Variants in PRKN observed in about 807,000 individuals in gnomAD.
The protein encoded by PRKN is E3 ubiquitin-protein ligase parkin.
In PRKN, 56 loss-of-function variants were observed where a neutral mutation model predicts 59.5. The ratio of observed to expected loss-of-function variants is 0.94; its 90% CI spans 0.76 to 1.18. PRKN has a LOEUF of 1.18. Among genes scored for constraint, PRKN ranks in the 50% most tolerant of loss-of-function variants. PRKN has a pLI of 0.00. For synonymous variants in PRKN, 250 were observed against 222.1 expected, an observed-to-expected ratio of 1.13 and a Z score of -1.12; for missense variants, 657 against 596.4, an observed-to-expected ratio of 1.10 and a Z score of -1.06.
In PRKN at chr6:162,010,428, AAT is replaced by A. The variant is rs1248136761; in HGVS notation, c.619-37013_619-37012del. Among the ~76,000 whole-genome samples, 4 of 21,676 alleles carry A rather than the reference AAT, an allele frequency of 1.8e-4. 1 individual carries two copies. The highest frequency in any genetic ancestry group is 2.8e-4 in the Non-Finnish European group (4 of 14,170). The allele number at this position is 21,676 out of a possible 152,430, so 14.2% of individuals were successfully genotyped here. A position where few individuals can be genotyped will look rare whatever the true frequency, so the allele number is the denominator to read the frequency against. ...TTTATTATATGTAATATACATTTAT[AAT>A]ATGTAATATTTATGATATATAATGT... On this transcript the variant is annotated intron_variant, in intron 5 of 11. Transcript: ENST00000366898.
At chr6:162,534,636 C>A (rs923185472) in intron 1 of PRKN, among the ~76,000 whole-genome samples, 1 of 152,154 alleles carries the variant, frequency 6.6e-6, no homozygotes, top group Non-Finnish European at 1.5e-5. Flanking sequence ...TCTACACATA[C>A]ATTTATAGAA....
intron 3 of PRKN, among the ~76,000 whole-genome samples, chr6:162,255,199 T>TG (rs1304885332): frequency 3.3e-5 from 5 of 152,134 alleles, no homozygotes; most frequent in Admixed American, 3.3e-4. Context: ...GCACCTGTTC[T>TG]GGGGGCAATT....
chr6:162,547,925 A>G (rs1779181428), intron 1 of PRKN, among the ~76,000 whole-genome samples: 1 of 151,900 alleles, frequency 6.6e-6, no homozygotes, highest in Non-Finnish European at 1.5e-5. Flanking sequence ...AGTTGCCTTG[A>G]ACCTCACATC....
intron 1 of PRKN, among the ~76,000 whole-genome samples, chr6:162,695,977 A>G (rs888769713): frequency 3.3e-5 from 5 of 152,108 alleles, no homozygotes; most frequent in Non-Finnish European, 7.4e-5. Context: ...TGCTTGTACA[A>G]TGGGAACGCA....
Position 161,581,655 on chromosome 6 carries a change from T to C in PRKN, c.872-12239A>G, listed in dbSNP as rs945748205. Reference sequence around the variant, plus strand: ...AGTGAGCAAGAGACAGGAAATAGAATGGAAGAAATGAAGGAAAAATGGAAT... The same window carrying C: ...AGTGAGCAAGAGACAGGAAATAGAACGGAAGAAATGAAGGAAAAATGGAAT... On this transcript the variant is annotated intron_variant, in intron 7 of 11. Coordinates refer to ENST00000366898, the MANE Select transcript of PRKN (RefSeq NM_004562.3). This position sits in a 1 kb window ranked among gnomAD's most constrained non-coding sequence, Gnocchi z 4.5. Among the ~76,000 whole-genome samples, 2 of 152,026 alleles carry C rather than the reference T, an allele frequency of 1.3e-5. No individual in the cohort carries two copies. The highest frequency in any genetic ancestry group is 1.9e-4 in the East Asian group (1 of 5,184).
chr6:162,647,767 C>G (rs1778240552), intron 1 of PRKN, among the ~76,000 whole-genome samples: 1 of 151,964 alleles, frequency 6.6e-6, no homozygotes, highest in Non-Finnish European at 1.5e-5. Context: ...TGAGCTCAGT[C>G]TGATCACAAC....
chr6:162,499,751 G>C (rs1383768910), intron 1 of PRKN, among the ~76,000 whole-genome samples: 1 of 152,168 alleles, frequency 6.6e-6, no homozygotes, highest in Non-Finnish European at 1.5e-5. Context: ...GTCTCTAGCC[G>C]AGAGGAACAG....
In PRKN at chr6:161,973,387, T is replaced by G; in HGVS notation, c.649A>C (p.Thr217Pro). 1 of 1,613,266 alleles carries G rather than the reference T, an allele frequency of 6.2e-7. No homozygotes were observed. Among genetic ancestry groups the G allele is most frequent in the Non-Finnish European group, 8.5e-7 (1 of 1,179,260 alleles). Residue 217 changes from threonine (T) to proline (P), a missense_variant, in exon 6 of 12, where the codon ACC becomes CCC. Thr to Pro is a conservative substitution (Grantham distance 38). Transcript: ENST00000366898. ...GCTACTGATGTTTCCTTGTCAGAGG[T>G]GGGGTGTGCTCCACATTTAAAGAAA... ...EFFFKCGAHP[T>P]SDKETSVALH...
intron 1 of PRKN, among the ~76,000 whole-genome samples, chr6:162,676,872 C>A (rs904660679): frequency 3.3e-5 from 5 of 151,936 alleles, no homozygotes; most frequent in African/African-American, 1.2e-4. Flanking sequence ...AGCAGCCTGG[C>A]CAACATGGTG....
At chr6:161,835,781 T>G (rs1792728087) in intron 6 of PRKN, among the ~76,000 whole-genome samples, 1 of 152,174 alleles carries the variant, frequency 6.6e-6, no homozygotes. Context: ...AATTTTATTT[T>G]CCCGGGCATG....
chr6:161,438,433 G>C (rs1383036811), intron 9 of PRKN, among the ~76,000 whole-genome samples: 2 of 151,972 alleles, frequency 1.3e-5, no homozygotes, highest in Admixed American at 6.6e-5. Flanking sequence ...GGCCAAGATG[G>C]TCTCTGTCTC....
intron 1 of PRKN, among the ~76,000 whole-genome samples, chr6:162,658,878 A>G (rs1392110475): frequency 6.6e-6 from 1 of 152,070 alleles, no homozygotes; most frequent in Admixed American, 6.6e-5. Context: ...GGATTTTTAA[A>G]TGGGTGCATG....
chr6:161,563,966 C>A (rs997782033), intron 8 of PRKN, among the ~76,000 whole-genome samples: 26 of 152,180 alleles, frequency 1.7e-4, no homozygotes, highest in African/African-American at 6.3e-4. Context: ...TATTTATTTA[C>A]AAATATTCTA....
At chr6:161,789,416 A>C (rs1187986085) in intron 6 of PRKN, among the ~76,000 whole-genome samples, 3 of 152,096 alleles carry the variant, frequency 2.0e-5, no homozygotes, top group African/African-American at 7.2e-5. Context: ...CCAGCTGGGA[A>C]GGTCCTTGCG....
chr6:161,573,652 G>A (rs1379794418), intron 7 of PRKN, among the ~76,000 whole-genome samples: 36 of 144,074 alleles, frequency 2.5e-4, no homozygotes, highest in African/African-American at 7.2e-4. Context: ...CCCGGCAGGC[G>A]GAGCTTGCAG....
At chr6:161,517,091 C>A (rs964867330) in intron 9 of PRKN, among the ~76,000 whole-genome samples, 2 of 151,992 alleles carry the variant, frequency 1.3e-5, no homozygotes, top group Non-Finnish European at 2.9e-5. Context: ...TTGTAATTGC[C>A]TTGGGAAAGC....
intron 4 of PRKN, among the ~76,000 whole-genome samples, chr6:162,196,918 T>C (rs375920187): frequency 6.6e-6 from 1 of 152,180 alleles, no homozygotes; most frequent in Non-Finnish European, 1.5e-5. Context: ...TTTAGACTCA[T>C]GATATGAGTG....
chr6:161,448,159 G>A lies in PRKN; in HGVS notation c.1084-61282C>T, dbSNP rs1022390484. Among the ~76,000 whole-genome samples, 2 of 152,034 alleles carry A rather than the reference G, an allele frequency of 1.3e-5. No individual in the cohort carries two copies. The highest frequency in any genetic ancestry group is 2.4e-5 in the African/African-American group (1 of 41,388). On this transcript the variant is annotated intron_variant, in intron 9 of 11. Transcript: ENST00000366898. The surrounding 1 kb of genome is among the most constrained non-coding windows in gnomAD (Gnocchi z 5.1). ...GGAAAACACCGTGATTCTGTTCAGC[G>A]CCTCCCTTTTGCCTCCATAAAAGAT...
At chr6:161,469,149 T>C (rs949573636) in intron 9 of PRKN, among the ~76,000 whole-genome samples, 1 of 152,196 alleles carries the variant, frequency 6.6e-6, no homozygotes, top group Admixed American at 6.5e-5. Flanking sequence ...TGAATTGTAA[T>C]AATCCACCAT....
Sources: gnomAD v4.1 joint callset for allele counts (sites outside exome capture counted in the v4.1 genomes callset) on GRCh38, gnomAD v4.1.1 for gene constraint, Gnocchi (gnomAD v3.1) non-coding constraint, MANE v1.5 for transcripts, NCBI Gene and HGNC (gene_info 2026-07-23, HGNC 2026-07-21) for gene names.